Variants in KCNJ16 observed in about 807,000 individuals in gnomAD.
KCNJ16 encodes the protein inward rectifier potassium channel 16.
Under a neutral mutation model 18.5 loss-of-function variants are expected in KCNJ16, and 15 were observed. The ratio of observed to expected loss-of-function variants is 0.81; its 90% CI spans 0.54 to 1.25. The LOEUF (loss-of-function observed/expected upper bound fraction) is 1.25, where lower values mean the gene tolerates loss of function less well. Ranked by LOEUF, KCNJ16 falls within the 50% of genes most tolerant of loss-of-function variation. The pLI is 0.00. For synonymous variants in KCNJ16, 174 were observed against 186.5 expected (o/e 0.93, Z 0.55); for missense variants, 523 against 525.7 (o/e 0.99, Z 0.05).
intron 1 of KCNJ16, among the ~76,000 whole-genome samples, chr17:70,089,550 A>G (rs2071990356): frequency 6.6e-6 from 1 of 152,200 alleles, no homozygotes; most frequent in Non-Finnish European, 1.5e-5. Flanking sequence ...TGAGGGAGGC[A>G]GTGAAAAAAA....
intron 2 of KCNJ16, among the ~76,000 whole-genome samples, chr17:70,114,323 T>C (rs764946146): frequency 7.2e-5 from 11 of 152,176 alleles, no homozygotes; most frequent in South Asian, 2.1e-4. Flanking sequence ...TCTCTGTAAA[T>C]TGCCAAAGAG....
chr17:70,101,188 T>C (rs1389532938), intron 2 of KCNJ16: 2 of 152,152 alleles, frequency 1.3e-5, no homozygotes, highest in African/African-American at 2.4e-5. Context: ...CTACTGGGGT[T>C]TGGGGTCATA....
chr17:70,133,467 G>C lies in KCNJ16; in HGVS notation c.*123G>C. On this transcript the variant is annotated 3_prime_UTR_variant, in exon 4 of 4. Transcript: ENST00000392671. Reference sequence around the variant, plus strand: ...GTTTTATGATGATGCTGGGTAAGTAGAGTAAGTTAAACTTGGTAAAAGATA... The same window carrying C: ...GTTTTATGATGATGCTGGGTAAGTACAGTAAGTTAAACTTGGTAAAAGATA... 1 of 753,406 alleles carries C rather than the reference G, an allele frequency of 1.3e-6. No homozygotes were observed. Among genetic ancestry groups the C allele is most frequent in the Middle Eastern group, 2.7e-4 (1 of 3,740 alleles). The allele number at this position is 753,406 out of a possible 1,614,324, so 46.7% of individuals were successfully genotyped here. A position where few individuals can be genotyped will look rare whatever the true frequency, so the allele number is the denominator to read the frequency against.
intron 2 of KCNJ16, among the ~76,000 whole-genome samples, chr17:70,112,168 A>G (rs2073213996): frequency 6.6e-6 from 1 of 152,176 alleles, no homozygotes; most frequent in Non-Finnish European, 1.5e-5. Flanking sequence ...CTGGAGGGCT[A>G]GGGGTTGATG....
rs532865380 is a variant in KCNJ16, at chr17:70,127,070, G to C, written c.-190-3809G>C. ...CCCTTTCTATAGTAAACTGGCACAAGGTTTTCTTAAATTGATTCAGGAGGA... is the reference window on the plus strand; with the variant it reads ...CCCTTTCTATAGTAAACTGGCACAACGTTTTCTTAAATTGATTCAGGAGGA... On this transcript the variant is annotated intron_variant, in intron 2 of 3. Coordinates refer to ENST00000392671, the MANE Select transcript of KCNJ16 (RefSeq NM_170741.4). Among the ~76,000 whole-genome samples the C allele has an allele frequency of 3.3e-5, 5 of 152,216 alleles. No individual in the cohort carries two copies. In the South Asian group the frequency reaches 1.0e-3, roughly 32 times the overall value.
chr17:70,111,866 C>T lies in KCNJ16; in HGVS notation c.-191+11100C>T, dbSNP rs370237271. Reference sequence around the variant, plus strand: ...CCTTCCACCATGATTATGAGACCTCCCCAGCCACGTGGAACTGTGAGCCCA... The same window carrying T: ...CCTTCCACCATGATTATGAGACCTCTCCAGCCACGTGGAACTGTGAGCCCA... On this transcript the variant is annotated intron_variant, in intron 2 of 3. Transcript: ENST00000392671. Among the ~76,000 whole-genome samples the T allele has an allele frequency of 3.9e-5, 6 of 152,072 alleles. No homozygotes were observed. In the East Asian group the frequency reaches 9.7e-4, roughly 24 times the overall value.
chr17:70,118,394 A>T (rs1482824114), intron 2 of KCNJ16, among the ~76,000 whole-genome samples: 1 of 152,164 alleles, frequency 6.6e-6, no homozygotes, highest in Non-Finnish European at 1.5e-5. Context: ...TGTATCCAAG[A>T]ACTTAATGTA....
intron 1 of KCNJ16, among the ~76,000 whole-genome samples, chr17:70,091,946 G>A (rs2072109099): frequency 6.6e-6 from 1 of 152,096 alleles, no homozygotes; most frequent in South Asian, 2.1e-4. Context: ...GGGTTGGAGG[G>A]GGGTTGTGGT....
chr17:70,081,806 CTGTGTG>C (rs5821755), intron 1 of KCNJ16, among the ~76,000 whole-genome samples: 1,808 of 149,538 alleles, frequency 0.012, 34 homozygotes, highest in East Asian at 0.072. Context: ...TCACCATGCT[CTGTGTG>C]TGTGTGTGTG....
intron 1 of KCNJ16, among the ~76,000 whole-genome samples, chr17:70,080,095 C>T (rs1189458132): frequency 6.6e-6 from 1 of 152,138 alleles, no homozygotes; most frequent in Non-Finnish European, 1.5e-5. Context: ...TAAGTTATTT[C>T]TGAGACACTG....
At position 70,134,886 on chromosome 17, in the gene KCNJ16, A is replaced by G. The variant is rs528738424; in HGVS notation, c.*1542A>G. On this transcript the variant is annotated 3_prime_UTR_variant, in exon 4 of 4. Coordinates refer to ENST00000392671, the MANE Select transcript of KCNJ16 (RefSeq NM_170741.4). ...TAGTCCAAGATTAGAAATACAAGTA[A>G]AATATATAGGTATAGGTAGATAGAG... 7 of 166,954 alleles carry G rather than the reference A, an allele frequency of 4.2e-5. No homozygotes were observed. The highest frequency in any genetic ancestry group is 7.3e-5 in the Non-Finnish European group (5 of 68,092). 10.3% of individuals were successfully genotyped at this position (166,954 alleles called of 1,614,324 possible).
At chr17:70,127,026 G>A (rs1169891648) in intron 2 of KCNJ16, among the ~76,000 whole-genome samples, 2 of 152,142 alleles carry the variant, frequency 1.3e-5, no homozygotes, top group Non-Finnish European at 2.9e-5. Flanking sequence ...TTAGTTGTTT[G>A]CTCATAACAT....
intron 2 of KCNJ16, among the ~76,000 whole-genome samples, chr17:70,126,589 G>C (rs2073863809): frequency 6.6e-6 from 1 of 152,182 alleles, no homozygotes; most frequent in Admixed American, 6.5e-5. Context: ...TCAGAGAAAA[G>C]TTATTTCCAC....
In KCNJ16 at chr17:70,132,280, C is replaced by G; in HGVS notation, c.193C>G (p.Leu65Val). The G allele has an allele frequency of 6.2e-7, 1 of 1,614,154 alleles. No homozygotes were observed. Reference protein sequence around the residue: ...GSYVVDIFTTLVDTKWRHMFV... With the variant: ...GSYVVDIFTTVVDTKWRHMFV... ...CTATGTGGTTGACATCTTCACCACT[C>G]TTGTGGACACCAAGTGGCGCCATAT... The change falls in exon 4 of 4, where the codon CTT (leucine) becomes GTT (valine). Residue 65 changes from leucine to valine, a missense_variant. Transcript: ENST00000392671.
At chr17:70,105,808 T>C (rs939940525) in intron 2 of KCNJ16, among the ~76,000 whole-genome samples, 1 of 152,190 alleles carries the variant, frequency 6.6e-6, no homozygotes, top group African/African-American at 2.4e-5. Context: ...AGGTTTCCAT[T>C]TCACTAGAAG....
chr17:70,094,482 G>T (rs1466721598), intron 1 of KCNJ16, among the ~76,000 whole-genome samples: 1 of 152,084 alleles, frequency 6.6e-6, no homozygotes, highest in East Asian at 1.9e-4. Context: ...AAAGTTGAAA[G>T]AACTTGAACT....
chr17:70,113,485 T>C (rs553450242), intron 2 of KCNJ16, among the ~76,000 whole-genome samples: 6 of 152,174 alleles, frequency 3.9e-5, no homozygotes, highest in Non-Finnish European at 7.4e-5. Flanking sequence ...CACAAAGATG[T>C]GTCCATAGTT....
intron 2 of KCNJ16, among the ~76,000 whole-genome samples, chr17:70,126,029 T>C (rs2073843639): frequency 1.3e-5 from 2 of 152,054 alleles, no homozygotes; most frequent in Admixed American, 6.6e-5. Flanking sequence ...AGGAGGAACA[T>C]GCCCACCTTG....
chr17:70,077,932 A>C (rs1567773696), intron 1 of KCNJ16, among the ~76,000 whole-genome samples: 1 of 152,160 alleles, frequency 6.6e-6, no homozygotes, highest in Non-Finnish European at 1.5e-5. Context: ...ATACAAAGAC[A>C]GTTACATTTT....
Sources: allele counts gnomAD v4.1 joint callset (sites outside exome capture counted in the v4.1 genomes callset), GRCh38; gene constraint gnomAD v4.1.1; transcripts MANE v1.5; gene names NCBI Gene and HGNC (gene_info 2026-07-23, HGNC 2026-07-21).